CDK14: variants seen among roughly 807,000 people sequenced by gnomAD.
The protein encoded by CDK14 is cyclin-dependent kinase 14.
CDK14 carries 34 observed loss-of-function variants against 60.7 expected under a neutral mutation model. That is an observed-to-expected ratio of 0.56 (90% CI 0.43 to 0.75). The LOEUF is 0.75. CDK14 is among the 30% of genes least tolerant of loss of function. The pLI is 0.00. For synonymous variants in CDK14, 197 were observed against 203.7 expected (o/e 0.97, Z 0.28); for missense variants, 482 against 564.1 (o/e 0.85, Z 1.47).
At chr7:90,624,413 T>G (rs1312299481) in intron 2 of CDK14, among the ~76,000 whole-genome samples, 2 of 152,254 alleles carry the variant, frequency 1.3e-5, no homozygotes, top group Non-Finnish European at 2.9e-5. Flanking sequence ...ACGCATTTTG[T>G]TCTCTATATT....
At chr7:90,859,049 T>A (rs945642768) in intron 5 of CDK14, among the ~76,000 whole-genome samples, 5 of 152,112 alleles carry the variant, frequency 3.3e-5, no homozygotes, top group Admixed American at 6.6e-5. Flanking sequence ...TACAATAAGG[T>A]TTTTAGTGTG....
rs145142426 is a variant in CDK14, at chr7:91,122,914, G to T, written c.*28+4706G>T. ...CAGGCTCTGAGCCCTGATCCAGTCA[G>T]CTGGGCCCAGAACTGGTTGGCCAAC... On this transcript the variant is annotated intron_variant, in intron 14 of 14. Coordinates refer to ENST00000380050, the MANE Select transcript of CDK14 (RefSeq NM_001287135.2). 2.9e-3 allele frequency among the ~76,000 whole-genome samples: 439 copies of T among 152,276 alleles called. 4 individuals are homozygous for T. Among genetic ancestry groups the T allele is most frequent in the Middle Eastern group, 0.017 (5 of 292 alleles).
At chr7:90,792,312 C>T (rs1451762299) in intron 5 of CDK14, among the ~76,000 whole-genome samples, 1 of 151,914 alleles carries the variant, frequency 6.6e-6, no homozygotes, top group East Asian at 1.9e-4. Context: ...TTAGCTAAGA[C>T]CTTGTCTTCA....
At chr7:90,769,069 T>C (rs996749555) in intron 4 of CDK14, among the ~76,000 whole-genome samples, 1 of 152,196 alleles carries the variant, frequency 6.6e-6, no homozygotes, top group Non-Finnish European at 1.5e-5. Flanking sequence ...AATTTAGACA[T>C]TTATATTCAA....
chr7:90,961,286 C>G (rs1173144672), intron 9 of CDK14, among the ~76,000 whole-genome samples: 1 of 152,110 alleles, frequency 6.6e-6, no homozygotes, highest in African/African-American at 2.4e-5. Flanking sequence ...ACTCAACAGT[C>G]TTTGGACTGT....
At chr7:90,859,629 C>G (rs1490021142) in intron 5 of CDK14, among the ~76,000 whole-genome samples, 1 of 151,900 alleles carries the variant, frequency 6.6e-6, no homozygotes, top group Non-Finnish European at 1.5e-5. Context: ...AGAGAGTTTC[C>G]ACATATTTTC....
chr7:91,098,714 C>G (rs1046725704), intron 12 of CDK14, among the ~76,000 whole-genome samples: 2 of 152,086 alleles, frequency 1.3e-5, no homozygotes, highest in African/African-American at 2.4e-5. Flanking sequence ...GTTAACTGCT[C>G]TGCTATTTTT....
intron 8 of CDK14, among the ~76,000 whole-genome samples, chr7:90,945,531 G>A (rs1009100240): frequency 1.3e-5 from 2 of 152,234 alleles, no homozygotes; most frequent in African/African-American, 2.4e-5. Context: ...CTGAGCAAGA[G>A]CTGTAGCCTT....
intron 8 of CDK14, among the ~76,000 whole-genome samples, chr7:90,937,214 T>C (rs907414969): frequency 6.6e-6 from 1 of 152,230 alleles, no homozygotes; most frequent in African/African-American, 2.4e-5. Flanking sequence ...TATGGTAAAC[T>C]GTAGAAACAT....
intron 2 of CDK14, among the ~76,000 whole-genome samples, chr7:90,605,586 G>T (rs772653636): frequency 9.9e-5 from 15 of 151,926 alleles, no homozygotes; most frequent in Non-Finnish European, 1.9e-4. Context: ...AGAATATTTG[G>T]TACCATTTTT....
At chr7:90,974,337 A>G (rs938069941) in intron 9 of CDK14, among the ~76,000 whole-genome samples, 5 of 152,154 alleles carry the variant, frequency 3.3e-5, no homozygotes, top group Admixed American at 1.3e-4. Context: ...AGTTAACGCA[A>G]TCATCACAGG....
intron 4 of CDK14, among the ~76,000 whole-genome samples, chr7:90,773,165 A>G (rs1050118908): frequency 6.6e-6 from 1 of 152,244 alleles, no homozygotes; most frequent in Non-Finnish European, 1.5e-5. Context: ...GTGTCTTGAA[A>G]GAAAAAACAG....
At chr7:91,067,571 A>G (rs934025683) in intron 11 of CDK14, among the ~76,000 whole-genome samples, 3 of 152,196 alleles carry the variant, frequency 2.0e-5, no homozygotes, top group Non-Finnish European at 2.9e-5. Flanking sequence ...ATGCCACCGA[A>G]CTGTAACCAG....
intron 2 of CDK14, among the ~76,000 whole-genome samples, chr7:90,634,754 G>A (rs1800095815): frequency 6.6e-6 from 1 of 152,056 alleles, no homozygotes; most frequent in South Asian, 2.1e-4. Flanking sequence ...CACCAACAGT[G>A]TAAAAGTGTT....
chr7:90,904,810 A>G (rs1792640037), intron 7 of CDK14, among the ~76,000 whole-genome samples: 1 of 152,166 alleles, frequency 6.6e-6, no homozygotes, highest in Non-Finnish European at 1.5e-5. Flanking sequence ...AAAAATCGAT[A>G]AAAAAGGAAA....
At position 90,607,204 on chromosome 7, in the gene CDK14, A is replaced by C. The variant is rs17866276; in HGVS notation, c.123+2955A>C. On this transcript the variant is annotated intron_variant, in intron 2 of 14. Transcript: ENST00000380050. ...TCTGTGATCATTTTCAGATTATAATAGTAGAAATTTTTTTGAACGCTTGTT... is the reference window on the plus strand; with the variant it reads ...TCTGTGATCATTTTCAGATTATAATCGTAGAAATTTTTTTGAACGCTTGTT... 1.7e-3 allele frequency among the ~76,000 whole-genome samples: 255 copies of C among 152,334 alleles called. 3 individuals are homozygous for C. The highest frequency in any genetic ancestry group is 5.8e-3 in the African/African-American group (241 of 41,576).
chr7:91,031,046 G>T (rs932875299), intron 10 of CDK14, among the ~76,000 whole-genome samples: 8 of 152,278 alleles, frequency 5.3e-5, no homozygotes, highest in African/African-American at 1.9e-4. Context: ...CGTCCTTTTT[G>T]GTTTATTATG....
chr7:90,782,514 G>A (rs535140081), intron 4 of CDK14, among the ~76,000 whole-genome samples: 1 of 152,160 alleles, frequency 6.6e-6, no homozygotes, highest in South Asian at 2.1e-4. Flanking sequence ...TGTCTAATTT[G>A]ACAAATGGGA....
intron 2 of CDK14, among the ~76,000 whole-genome samples, chr7:90,620,727 G>A (rs1336327108): frequency 6.6e-6 from 1 of 152,168 alleles, no homozygotes; most frequent in Admixed American, 6.5e-5. Context: ...TGCTGCACGT[G>A]ACATTTGGGC....
Sources: allele counts gnomAD v4.1 joint callset (sites outside exome capture counted in the v4.1 genomes callset), GRCh38; gene constraint gnomAD v4.1.1; transcripts MANE v1.5; gene names NCBI Gene and HGNC (gene_info 2026-07-23, HGNC 2026-07-21).